The following PCNX1 variants were observed in gnomAD, a reference collection of about 807,000 sequenced individuals.
PCNX1 encodes the protein pecanex 1, also known as pecanex-like protein 1.
PCNX1 carries 78 observed loss-of-function variants against 242.2 expected under a neutral mutation model. The ratio of observed to expected loss-of-function variants is 0.32; its 90% confidence interval spans 0.27 to 0.39. PCNX1 has a LOEUF of 0.39. Among genes scored for constraint, PCNX1 ranks in the 10% least tolerant of loss-of-function variants. The probability of loss-of-function intolerance (pLI) is 1.00; values close to 1 mark genes in which losing one functional copy is unlikely to be tolerated. For synonymous variants in PCNX1, 1,024 were observed against 1,032.9 expected (o/e 0.99, Z 0.17); for missense variants, 2,581 against 2,856.5 (o/e 0.90, Z 2.20).
At chr14:71,109,154 A>T in intron 34 of PCNX1, 108 bp downstream of exon 34, 1 of 1,002,826 alleles carries the variant, frequency 1.0e-6, no homozygotes, top group Non-Finnish European at 1.4e-6. Flanking sequence ...TCTTAGTCTC[A>T]GGACTAGAAT....
intron 6 of PCNX1, among the ~76,000 whole-genome samples, chr14:70,983,025 T>C (rs535656232): frequency 6.6e-6 from 1 of 152,218 alleles, no homozygotes; most frequent in South Asian, 2.1e-4. Context: ...ACAAAGACAG[T>C]GATGTCTTTC....
At chr14:71,030,240 A>G (rs2060345126) in intron 16 of PCNX1, among the ~76,000 whole-genome samples, 1 of 152,172 alleles carries the variant, frequency 6.6e-6, no homozygotes, top group Admixed American at 6.5e-5. Context: ...ATTTACCTGT[A>G]TAGATCTACC....
At position 71,089,310 on chromosome 14, in the gene PCNX1, C is replaced by G. The variant is rs753235014; in HGVS notation, c.5557C>G (p.Pro1853Ala). The part of the protein sequence containing the change: ...DMELLRKVVV[P>A]GIRMSIKLHQ... Reference sequence around the variant, plus strand: ...GGAATTGCTAAGAAAAGTAGTAGTCCCTGGGATCCGTATGTCCATTAAACT... The same window carrying G: ...GGAATTGCTAAGAAAAGTAGTAGTCGCTGGGATCCGTATGTCCATTAAACT... Residue 1853 changes from proline to alanine, a missense_variant, in exon 30 of 36, where the codon CCT becomes GCT. Coordinates refer to ENST00000304743, the MANE Select transcript of PCNX1 (RefSeq NM_014982.3). 1 of 1,612,150 alleles carries G rather than the reference C, an allele frequency of 6.2e-7. No homozygotes were observed. The highest frequency in any genetic ancestry group is 8.5e-7 in the Non-Finnish European group (1 of 1,178,874).
At chr14:71,057,066 C>G (rs1316497622) in intron 25 of PCNX1, among the ~76,000 whole-genome samples, 1 of 152,134 alleles carries the variant, frequency 6.6e-6, no homozygotes, top group Non-Finnish European at 1.5e-5. Context: ...TATTGACTAA[C>G]CAGCTTCTTT....
chr14:70,952,240 A>G (rs962497299), intron 2 of PCNX1, among the ~76,000 whole-genome samples: 4 of 152,138 alleles, frequency 2.6e-5, no homozygotes, highest in Admixed American at 2.6e-4. Context: ...TTGCTTCTGA[A>G]TTGTTTTTTC....
At chr14:70,922,274 A>G (rs1318476655) in intron 1 of PCNX1, among the ~76,000 whole-genome samples, 3 of 152,174 alleles carry the variant, frequency 2.0e-5, no homozygotes, top group Non-Finnish European at 4.4e-5. Context: ...TATTCCAGAC[A>G]GTAGTTAAGT....
chr14:71,090,737 C>T (rs2141670663), intron 30 of PCNX1, among the ~76,000 whole-genome samples: 1 of 152,338 alleles, frequency 6.6e-6, no homozygotes, highest in Admixed American at 6.5e-5. Context: ...TATTCTCTTT[C>T]ATATAGCATA....
At chr14:70,967,947 T>C (rs1165799843) in intron 3 of PCNX1, among the ~76,000 whole-genome samples, 6 of 152,156 alleles carry the variant, frequency 3.9e-5, no homozygotes, top group Non-Finnish European at 8.8e-5. Context: ...CTGGGGGGGC[T>C]CCGTCAGTCC....
chr14:71,073,030 G>A lies in PCNX1; in HGVS notation c.4853-515G>A, dbSNP rs573198026. On this transcript the variant is annotated intron_variant, in intron 26 of 35. Coordinates refer to ENST00000304743, the MANE Select transcript of PCNX1 (RefSeq NM_014982.3). ...GAATTATCAGACCCGTAGTGTGAGT[G>A]CGGTGGCTCATGCCTGTAATCTCAG... 2.0e-5 allele frequency among the ~76,000 whole-genome samples: 3 copies of A among 152,342 alleles called. No individual in the cohort carries two copies. The East Asian group carries it at 5.8e-4, about 29-fold the overall frequency.
chr14:71,033,930 G>T lies in PCNX1; in HGVS notation c.3669-1G>T, dbSNP rs2060461579. 2 of 1,505,156 alleles carry T rather than the reference G, an allele frequency of 1.3e-6. No individual in the cohort carries two copies. Among genetic ancestry groups the T allele is most frequent in the African/African-American group, 1.4e-5 (1 of 70,628 alleles). 93.2% of individuals were successfully genotyped at this position (1,505,156 alleles called of 1,614,324 possible). A position where few individuals can be genotyped will look rare whatever the true frequency, so the allele number is the denominator to read the frequency against. Reference sequence around the variant, plus strand: ...TTCTGTTTTTTTTTCTTCACATAAAGCTCTTTAGTGCAATCCAAGATTTTT... The same window carrying T: ...TTCTGTTTTTTTTTCTTCACATAAATCTCTTTAGTGCAATCCAAGATTTTT... On this transcript the variant is annotated splice_acceptor_variant, in intron 17 of 35. Transcript: ENST00000304743. LOFTEE classifies it high-confidence loss of function.
chr14:71,075,700 C>T (rs919149534), intron 27 of PCNX1, among the ~76,000 whole-genome samples: 4 of 151,992 alleles, frequency 2.6e-5, no homozygotes, highest in Non-Finnish European at 2.9e-5. Context: ...AGTTCAAGAC[C>T]AACCTGGCCA....
intron 2 of PCNX1, among the ~76,000 whole-genome samples, chr14:70,957,566 A>G (rs1322337456): frequency 1.3e-5 from 2 of 152,202 alleles, no homozygotes; most frequent in Non-Finnish European, 2.9e-5. Context: ...TGTCCAGGAC[A>G]GGGAAATCTG....
intron 34 of PCNX1, 96 bp downstream of exon 34, chr14:71,109,142 T>C (rs1185773611): frequency 3.8e-6 from 4 of 1,039,148 alleles, no homozygotes; most frequent in Non-Finnish European, 5.5e-6. Flanking sequence ...ATACACACCT[T>C]ATCTTAGTCT....
chr14:70,987,706 C>T (rs532279054), intron 6 of PCNX1, among the ~76,000 whole-genome samples: 4 of 152,212 alleles, frequency 2.6e-5, no homozygotes, highest in African/African-American at 7.2e-5. Flanking sequence ...AAACCCAAAT[C>T]GGTCAATTTT....
At position 70,949,246 on chromosome 14, in the gene PCNX1, CGT is replaced by C. The variant is rs1238041756; in HGVS notation, c.362+2126_362+2127del. On this transcript the variant is annotated intron_variant, in intron 2 of 35. Transcript: ENST00000304743. Reference sequence around the variant, plus strand: ...AGATATATGTATGTGTATATACACACGTGTATACACACACACGTGTATGCACA... The same window carrying C: ...AGATATATGTATGTGTATATACACACGTATACACACACACGTGTATGCACA... 1.6e-4 allele frequency among the ~76,000 whole-genome samples: 17 copies of C among 105,040 alleles called. 1 individual carries two copies. The highest frequency in any genetic ancestry group is 4.7e-4 in the African/African-American group (13 of 27,442). 68.9% of individuals were successfully genotyped at this position (105,040 alleles called of 152,430 possible). A position where few individuals can be genotyped will look rare whatever the true frequency, so the allele number is the denominator to read the frequency against.
At chr14:71,051,473 T>G (rs940998300) in intron 23 of PCNX1, among the ~76,000 whole-genome samples, 6 of 152,122 alleles carry the variant, frequency 3.9e-5, no homozygotes, top group African/African-American at 7.2e-5. Context: ...TGTAAAAAAT[T>G]TTCTACTCCC....
chr14:71,057,046 A>T (rs760782220), intron 25 of PCNX1, among the ~76,000 whole-genome samples: 2 of 152,110 alleles, frequency 1.3e-5, no homozygotes, highest in Non-Finnish European at 2.9e-5. Flanking sequence ...AGCCATCTCA[A>T]TATGGCTAAT....
intron 28 of PCNX1, among the ~76,000 whole-genome samples, chr14:71,086,047 C>T (rs952672833): frequency 6.6e-6 from 1 of 152,094 alleles, no homozygotes; most frequent in Non-Finnish European, 1.5e-5. Context: ...CATAGTTTCT[C>T]TTGCTAAGTT....
At chr14:70,955,626 G>T (rs1302330333) in intron 2 of PCNX1, among the ~76,000 whole-genome samples, 1 of 152,062 alleles carries the variant, frequency 6.6e-6, no homozygotes, top group African/African-American at 2.4e-5. Flanking sequence ...ACCTGAATTT[G>T]TTGTATTGCT....
Sources: allele counts gnomAD v4.1 joint callset (sites outside exome capture counted in the v4.1 genomes callset), GRCh38; gene constraint gnomAD v4.1.1; transcripts MANE v1.5; gene names NCBI Gene and HGNC (gene_info 2026-07-23, HGNC 2026-07-21).